Variants in GBE1 observed in about 807,000 individuals in gnomAD.
GBE1 encodes the protein 1,4-alpha-glucan-branching enzyme.
GBE1 carries 70 observed loss-of-function variants against 88.8 expected under a neutral mutation model. That is an observed-to-expected ratio of 0.79 (90% CI 0.65 to 0.96). The LOEUF is 0.96. Ranked by LOEUF, GBE1 falls within the 40% of genes least tolerant of loss-of-function variation. GBE1 has a pLI of 0.00. For synonymous variants in GBE1, 284 were observed against 300.1 expected (o/e 0.95, Z 0.56); for missense variants, 872 against 871.0 (o/e 1.00, Z -0.01).
chr3:81,538,293 G>T (rs1032025065), intron 12 of GBE1, among the ~76,000 whole-genome samples: 1 of 151,876 alleles, frequency 6.6e-6, no homozygotes, highest in Non-Finnish European at 1.5e-5. Context: ...TACTGCAGAG[G>T]TGCTTTAAAT....
Position 81,566,276 on chromosome 3 carries a change from C to T in GBE1, c.1618+11649G>A, listed in dbSNP as rs142713518. Among the ~76,000 whole-genome samples, 493 of 152,222 alleles carry T rather than the reference C, an allele frequency of 3.2e-3. 4 individuals carry two copies. Among genetic ancestry groups the T allele is most frequent in the Admixed American group, 6.3e-3 (97 of 15,284 alleles). ...CATTTTAAGATTCTTTTTCAATGCC[C>T]GAGCCCTAGCCAAGACCAATTAAAT... On this transcript the variant is annotated intron_variant, in intron 12 of 15. Transcript: ENST00000429644.
At chr3:81,625,722 C>T (rs1704405547) in intron 7 of GBE1, among the ~76,000 whole-genome samples, 1 of 152,152 alleles carries the variant, frequency 6.6e-6, no homozygotes. Flanking sequence ...GATTACAGGA[C>T]AGTCACCATG....
intron 12 of GBE1, among the ~76,000 whole-genome samples, chr3:81,574,537 T>C (rs575115644): frequency 2.7e-4 from 41 of 152,028 alleles, no homozygotes; most frequent in African/African-American, 9.9e-4. Flanking sequence ...TGCTGTACCT[T>C]TTCTCTAAAA....
At chr3:81,559,782 A>T (rs546848408) in intron 12 of GBE1, among the ~76,000 whole-genome samples, 1 of 152,122 alleles carries the variant, frequency 6.6e-6, no homozygotes, top group East Asian at 1.9e-4. Flanking sequence ...ATACAAAAGG[A>T]GTACACCATC....
chr3:81,629,117 C>T (rs1235305663), intron 7 of GBE1, among the ~76,000 whole-genome samples: 13 of 138,848 alleles, frequency 9.4e-5, no homozygotes, highest in East Asian at 2.3e-4. Flanking sequence ...CATGCTGGTG[C>T]GCTGCACCCA....
chr3:81,540,170 A>G (rs1406068996), intron 12 of GBE1, among the ~76,000 whole-genome samples: 1 of 152,006 alleles, frequency 6.6e-6, no homozygotes, highest in Non-Finnish European at 1.5e-5. Context: ...AACTTGCTAC[A>G]TGATCTCCCC....
chr3:81,598,397 A>C (rs975242103), intron 7 of GBE1, among the ~76,000 whole-genome samples: 1 of 6,554 alleles, frequency 1.5e-4, no homozygotes, highest in Non-Finnish European at 2.3e-4. Context: ...AGAAAGGTAT[A>C]GAATGCCAAA....
chr3:81,648,818 A>C, intron 5 of GBE1, 38 bp downstream of exon 5: 4 of 1,290,116 alleles, frequency 3.1e-6, no homozygotes, highest in Non-Finnish European at 4.2e-6. Context: ...CAGACTCATT[A>C]AAATTTTATC....
rs1576140472 is a variant in GBE1 at position 81,541,457 on chromosome 3, C to CG, written c.1619-4363_1619-4362insC. The stretch of plus-strand genomic sequence containing the variant: ...GGTGATGGGCTGCAAGTTGCCCCCC[C>CG]CGCCACCTCGCCCAAATTCATATGT... On this transcript the variant is annotated intron_variant, in intron 12 of 15. Transcript: ENST00000429644. Among the ~76,000 whole-genome samples the CG allele has an allele frequency of 5.3e-5, 8 of 151,214 alleles. No homozygotes were observed. The East Asian group carries it at 1.4e-3, about 26-fold the overall frequency.
intron 7 of GBE1, among the ~76,000 whole-genome samples, chr3:81,630,498 A>C (rs1009954878): frequency 6.6e-6 from 1 of 152,180 alleles, no homozygotes; most frequent in Non-Finnish European, 1.5e-5. Context: ...ACGCTACCTG[A>C]CTTCAAACTA....
At chr3:81,598,214 A>C (rs1199485574) in intron 7 of GBE1, among the ~76,000 whole-genome samples, 5 of 152,022 alleles carry the variant, frequency 3.3e-5, no homozygotes, top group African/African-American at 1.2e-4. Flanking sequence ...GACATTACTA[A>C]GCAATGGCTA....
At chr3:81,516,161 G>A (rs1702796321) in intron 14 of GBE1, among the ~76,000 whole-genome samples, 1 of 151,598 alleles carries the variant, frequency 6.6e-6, no homozygotes, top group South Asian at 2.1e-4. Context: ...CATAACTACT[G>A]GGAAGACAGT....
chr3:81,730,649 A>C (rs778253394), intron 1 of GBE1, among the ~76,000 whole-genome samples: 2 of 152,196 alleles, frequency 1.3e-5, no homozygotes, highest in Non-Finnish European at 2.9e-5. Flanking sequence ...ACTGCTGAGA[A>C]TCAGAAAATA....
At chr3:81,694,063 T>G (rs1169494752) in intron 2 of GBE1, among the ~76,000 whole-genome samples, 1 of 152,156 alleles carries the variant, frequency 6.6e-6, no homozygotes, top group Non-Finnish European at 1.5e-5. Context: ...CCCTAAGAAC[T>G]CAGAGCCTTT....
In GBE1 at chr3:81,508,494, C is replaced by T. The variant is rs150884345; in HGVS notation, c.1935-9267G>A. 2.6e-4 allele frequency among the ~76,000 whole-genome samples: 39 copies of T among 152,000 alleles called. No individual in the cohort carries two copies. In the East Asian group the frequency reaches 7.5e-3, roughly 29 times the overall value. ...ACAGATTTTTATTCACCTTTTTAAC[C>T]ACATCTTTTATTATCAAAATGAGTT... On this transcript the variant is annotated intron_variant, in intron 14 of 15. Transcript: ENST00000429644.
At chr3:81,712,042 C>A (rs1315220801) in intron 1 of GBE1, among the ~76,000 whole-genome samples, 1 of 152,110 alleles carries the variant, frequency 6.6e-6, no homozygotes, top group Non-Finnish European at 1.5e-5. Context: ...CCAAAAGACA[C>A]ATGAAAAAAT....
rs563050903 is a variant in GBE1, at chr3:81,708,780, C to A, written c.144-3167G>T. ...AACCCACTTTTGCAACAATGGGAAA[C>A]TAGGTGAATAACTGTGGAATATCCA... On this transcript the variant is annotated intron_variant, in intron 1 of 15. Coordinates refer to ENST00000429644, the MANE Select transcript of GBE1 (RefSeq NM_000158.4). Among the ~76,000 whole-genome samples the A allele has an allele frequency of 1.2e-3, 189 of 152,100 alleles. 2 individuals carry two copies. In the South Asian group the frequency reaches 0.015, roughly 12 times the overall value.
intron 3 of GBE1, among the ~76,000 whole-genome samples, chr3:81,655,339 C>A (rs1291056611): frequency 1.3e-5 from 2 of 151,906 alleles, no homozygotes; most frequent in African/African-American, 4.8e-5. Flanking sequence ...AGCCACTGCA[C>A]CCGGCCTATA....
At chr3:81,491,838 T>C (rs997811927) in intron 15 of GBE1, among the ~76,000 whole-genome samples, 2 of 152,182 alleles carry the variant, frequency 1.3e-5, no homozygotes, top group Non-Finnish European at 2.9e-5. Context: ...GAGACTTGTA[T>C]GTCCAATGCA....
Sources: gnomAD v4.1 joint callset for allele counts (sites outside exome capture counted in the v4.1 genomes callset) on GRCh38, gnomAD v4.1.1 for gene constraint, MANE v1.5 for transcripts, NCBI Gene and HGNC (gene_info 2026-07-23, HGNC 2026-07-21) for gene names.